SLC1A7: variants seen among roughly 807,000 people sequenced by gnomAD.
SLC1A7 encodes the protein excitatory amino acid transporter 5.
In SLC1A7, 40 loss-of-function variants were observed where a neutral mutation model predicts 47.7. The ratio of observed to expected loss-of-function variants is 0.84; its 90% CI spans 0.65 to 1.09. SLC1A7 has a LOEUF of 1.09. SLC1A7 is among the 50% of genes least tolerant of loss of function. SLC1A7 has a pLI of 0.00. For missense variants in SLC1A7, 746 were observed against 769.5 expected (o/e 0.97, Z 0.36); for synonymous variants, 323 against 325.6 (o/e 0.99, Z 0.09).
chr1:53,107,400 T>A (rs1572322449), intron 3 of SLC1A7, among the ~76,000 whole-genome samples: 1 of 152,318 alleles, frequency 6.6e-6, no homozygotes, highest in East Asian at 1.9e-4. Flanking sequence ...ACGAGATCCG[T>A]AACTTAGTTA....
At chr1:53,108,948 C>T (rs1480154542) in intron 3 of SLC1A7, among the ~76,000 whole-genome samples, 3 of 152,198 alleles carry the variant, frequency 2.0e-5, no homozygotes, top group Admixed American at 6.5e-5. Flanking sequence ...GGGAAATGTA[C>T]ATTTTCTTTT....
chr1:53,088,818 C>T (rs1644387253), intron 10 of SLC1A7, 59 bp downstream of exon 10: 4 of 1,354,786 alleles, frequency 3.0e-6, no homozygotes, highest in Non-Finnish European at 4.2e-6. Flanking sequence ...AGATCTGGTG[C>T]CCTGCCCACC....
At chr1:53,138,945 A>T (rs941734863) in intron 1 of SLC1A7, among the ~76,000 whole-genome samples, 1 of 152,158 alleles carries the variant, frequency 6.6e-6, no homozygotes, top group South Asian at 2.1e-4. Context: ...AGAAAGCTTA[A>T]GAGGAGATTT....
intron 2 of SLC1A7, among the ~76,000 whole-genome samples, chr1:53,127,038 G>GTTTTT (rs61456544): frequency 0.34 from 33,568 of 97,610 alleles, 6,342 homozygotes; most frequent in Middle Eastern, 0.43. Flanking sequence ...AATTTTAAAA[G>GTTTTT]TTTTTTTTTT....
At chr1:53,115,345 T>G in intron 2 of SLC1A7, 1 of 280,240 alleles carries the variant, frequency 3.6e-6, no homozygotes, top group Non-Finnish European at 7.0e-6. Context: ...AGAAGCTTCC[T>G]TCACTCTCCT....
At chr1:53,139,706 G>A (rs946134637) in intron 1 of SLC1A7, among the ~76,000 whole-genome samples, 1 of 152,122 alleles carries the variant, frequency 6.6e-6, no homozygotes, top group Non-Finnish European at 1.5e-5. Flanking sequence ...CTGTGAATGA[G>A]GTCATCAGCT....
intron 2 of SLC1A7, among the ~76,000 whole-genome samples, chr1:53,123,908 G>GGA (rs1274272773): frequency 6.6e-6 from 1 of 152,172 alleles, no homozygotes; most frequent in Non-Finnish European, 1.5e-5. Flanking sequence ...GCCAAACTGT[G>GGA]GCTACCCCCT....
At chr1:53,113,631 C>T (rs1024035111) in intron 3 of SLC1A7, among the ~76,000 whole-genome samples, 1 of 152,096 alleles carries the variant, frequency 6.6e-6, no homozygotes, top group Non-Finnish European at 1.5e-5. Context: ...CCTGGCTCTG[C>T]CTTCCCCTCC....
intron 2 of SLC1A7, among the ~76,000 whole-genome samples, chr1:53,120,708 C>A (rs936642): frequency 0.14 from 20,946 of 152,266 alleles, 1,652 homozygotes; most frequent in Non-Finnish European, 0.18. Context: ...CAGTTTGTTA[C>A]GGAGCACCCT....
chr1:53,131,419 G>T (rs535033098), intron 2 of SLC1A7, among the ~76,000 whole-genome samples: 9 of 152,224 alleles, frequency 5.9e-5, no homozygotes, highest in Admixed American at 3.3e-4. Context: ...GGCCTCTAAG[G>T]TGCCTCTGTT....
chr1:53,110,762 C>G (rs1171881274), intron 3 of SLC1A7, among the ~76,000 whole-genome samples: 1 of 152,120 alleles, frequency 6.6e-6, no homozygotes, highest in African/African-American at 2.4e-5. Flanking sequence ...TGTTCACTCT[C>G]CTAGTTCTCC....
chr1:53,090,306 G>A (rs1644405813), intron 8 of SLC1A7: 2 of 539,202 alleles, frequency 3.7e-6, no homozygotes, highest in Non-Finnish European at 6.6e-6. Flanking sequence ...CTGTGTGCTT[G>A]GCTGGGCTGT....
chr1:53,130,431 G>A (rs988772010), intron 2 of SLC1A7, among the ~76,000 whole-genome samples: 2 of 152,040 alleles, frequency 1.3e-5, no homozygotes, highest in Non-Finnish European at 2.9e-5. Context: ...AGGCTTCGAG[G>A]CCCAGACCTG....
intron 5 of SLC1A7, among the ~76,000 whole-genome samples, chr1:53,097,353 TCACA>T (rs971369977): frequency 2.6e-5 from 3 of 117,256 alleles, no homozygotes; most frequent in Non-Finnish European, 5.6e-5. Flanking sequence ...CTCCGTGTAC[TCACA>T]CACACCCCCT....
chr1:53,104,464 A>G (rs1453867551), intron 4 of SLC1A7, among the ~76,000 whole-genome samples: 5 of 152,228 alleles, frequency 3.3e-5, no homozygotes, highest in Admixed American at 3.3e-4. Flanking sequence ...TTAGCTTCAC[A>G]AAGAAGGGGA....
chr1:53,109,182 C>T (rs1223552563), intron 3 of SLC1A7, among the ~76,000 whole-genome samples: 1 of 152,108 alleles, frequency 6.6e-6, no homozygotes, highest in Non-Finnish European at 1.5e-5. Flanking sequence ...CACCGAGATG[C>T]TTCCAAACCC....
intron 5 of SLC1A7, 74 bp downstream of exon 5, chr1:53,103,272 G>T: frequency 9.1e-7 from 1 of 1,102,870 alleles, no homozygotes; most frequent in Non-Finnish European, 1.3e-6. Flanking sequence ...TCAGTAAGAG[G>T]TGGAGGAGCA....
chr1:53,141,921 C>T (rs1419550916), intron 1 of SLC1A7, among the ~76,000 whole-genome samples: 1 of 152,182 alleles, frequency 6.6e-6, no homozygotes, highest in African/African-American at 2.4e-5. Flanking sequence ...TCTGCTGTCA[C>T]CTCTGCCTAG....
At chr1:53,115,157 G>C (rs913342227) in intron 2 of SLC1A7, 184 bp from the exon 3 acceptor site, 1 of 612,582 alleles carries the variant, frequency 1.6e-6, no homozygotes, top group Admixed American at 2.7e-5. Flanking sequence ...TCTCCCCCAC[G>C]CCCCGGGGCG....
Sources: allele counts gnomAD v4.1 joint callset (sites outside exome capture counted in the v4.1 genomes callset), GRCh38; gene constraint gnomAD v4.1.1; transcripts MANE v1.5; gene names NCBI Gene and HGNC (gene_info 2026-07-23, HGNC 2026-07-21).